LEPR: variants seen among roughly 807,000 people sequenced by gnomAD.
The protein encoded by LEPR is OB receptor.
Under a neutral mutation model 114.7 loss-of-function variants are expected in LEPR, and 56 were observed. The observed-to-expected ratio is 0.49, with a 90% CI of 0.39 to 0.61. The LOEUF is 0.61. Among genes scored for constraint, LEPR ranks in the 20% least tolerant of loss-of-function variants. LEPR has a pLI of 0.00. For synonymous variants in LEPR, 443 were observed against 461.4 expected (o/e 0.96, Z 0.51); for missense variants, 1,202 against 1,352.9 (o/e 0.89, Z 1.75).
At chr1:65,436,708 C>A (rs1408465013) in intron 2 of LEPR, among the ~76,000 whole-genome samples, 1 of 142,982 alleles carries the variant, frequency 7.0e-6, no homozygotes, top group Non-Finnish European at 1.6e-5. Context: ...GGAGACTGCA[C>A]AATCTCTCTT....
intron 2 of LEPR, among the ~76,000 whole-genome samples, chr1:65,558,501 G>GT (rs781558613): frequency 0.06 from 1,390 of 23,146 alleles, 291 homozygotes; most frequent in African/African-American, 0.18. Context: ...GTTTCTTAAT[G>GT]TTTTTTTTTT....
At chr1:65,427,218 C>T (rs1646394904) in intron 2 of LEPR, among the ~76,000 whole-genome samples, 1 of 152,088 alleles carries the variant, frequency 6.6e-6, no homozygotes, top group South Asian at 2.1e-4. Context: ...TATTATTATC[C>T]TCATTTCTCG....
At chr1:65,593,285 C>T (rs1177270242) in intron 6 of LEPR, among the ~76,000 whole-genome samples, 4 of 151,998 alleles carry the variant, frequency 2.6e-5, no homozygotes, top group African/African-American at 7.2e-5. Flanking sequence ...ATAGTTCCCA[C>T]CTCAGAGAGC....
chr1:65,538,312 C>T (rs1184288224), intron 2 of LEPR, among the ~76,000 whole-genome samples: 1 of 151,794 alleles, frequency 6.6e-6, no homozygotes. Context: ...GTCAGGTTGC[C>T]TTCCATCTCC....
chr1:65,445,639 T>TG (rs906733180), intron 2 of LEPR, among the ~76,000 whole-genome samples: 9 of 149,888 alleles, frequency 6.0e-5, no homozygotes, highest in African/African-American at 2.2e-4. Context: ...TGAATAGAGT[T>TG]TTTTTTTTTT....
At chr1:65,547,736 TG>T (rs1651884611) in intron 2 of LEPR, among the ~76,000 whole-genome samples, 1 of 143,056 alleles carries the variant, frequency 7.0e-6, no homozygotes, top group East Asian at 1.9e-4. Context: ...CTATCAATTT[TG>T]TTGATCCTTT....
Position 65,633,793 on chromosome 1 carries a change from G to T in LEPR, c.2674-2398G>T. ...TCAGTTTTCAATATCCTTGAAAATG[G>T]CTTAAGTGATAACTTCCGTTTCAGT... On this transcript the variant is annotated intron_variant, in intron 19 of 19. Transcript: ENST00000349533. This position sits in a 1 kb window ranked among gnomAD's most constrained non-coding sequence, Gnocchi z 4.1. The T allele has an allele frequency of 1.0e-6, 1 of 985,554 alleles. No homozygotes were observed. The highest frequency in any genetic ancestry group is 1.2e-6 in the Non-Finnish European group (1 of 830,126). 61.1% of individuals were successfully genotyped at this position (985,554 alleles called of 1,614,324 possible).
intron 2 of LEPR, among the ~76,000 whole-genome samples, chr1:65,507,176 A>G (rs959045363): frequency 7.3e-5 from 11 of 151,720 alleles, no homozygotes; most frequent in Admixed American, 2.0e-4. Context: ...TCAGCCTCCC[A>G]AGTAGCTGGG....
chr1:65,578,895 G>A (rs1221202172), intron 5 of LEPR, among the ~76,000 whole-genome samples: 2 of 152,256 alleles, frequency 1.3e-5, no homozygotes, highest in Admixed American at 6.5e-5. Flanking sequence ...TATTACTAGT[G>A]TTAGACCACT....
At chr1:65,450,904 G>A (rs2100325161) in intron 2 of LEPR, among the ~76,000 whole-genome samples, 2 of 151,810 alleles carry the variant, frequency 1.3e-5, no homozygotes, top group East Asian at 1.9e-4. Flanking sequence ...CAGTGTAAAA[G>A]CATTCCTATT....
At chr1:65,515,580 T>C (rs1649244990) in intron 2 of LEPR, among the ~76,000 whole-genome samples, 1 of 152,234 alleles carries the variant, frequency 6.6e-6, no homozygotes, top group Non-Finnish European at 1.5e-5. Flanking sequence ...TATCCTGAAG[T>C]ATTTTAATGT....
In LEPR at chr1:65,636,278, G is replaced by A. The variant is rs754264793; in HGVS notation, c.2761G>A (p.Asp921Asn). 6.2e-7 allele frequency: 1 copy of A among 1,613,912 alleles called. No individual in the cohort carries two copies. The highest frequency in any genetic ancestry group is 2.2e-5 in the East Asian group (1 of 44,870). ...LLLEPETISE[D>N]ISVDTSWKNK... is the part of the protein sequence containing the mutation. ...TTTGGAGCCTGAAACAATTTCAGAA[G>A]ATATCAGTGTTGATACATCATGGAA... The change falls in exon 20 of 20, where the codon GAT (aspartate) becomes AAT (asparagine). Residue 921 changes from aspartate (D) to asparagine (N), a missense_variant. Asp to Asn is a conservative substitution (Grantham distance 23). Transcript: ENST00000349533.
chr1:65,459,982 T>C (rs1318154648), intron 2 of LEPR, among the ~76,000 whole-genome samples: 1 of 152,198 alleles, frequency 6.6e-6, no homozygotes, highest in East Asian at 1.9e-4. Flanking sequence ...TAATCTAAAA[T>C]GAGCCCACAT....
At chr1:65,600,335 C>T (rs909305754) in intron 8 of LEPR, among the ~76,000 whole-genome samples, 2 of 152,030 alleles carry the variant, frequency 1.3e-5, no homozygotes, top group African/African-American at 4.8e-5. Context: ...TAATTTTATG[C>T]TACTAAGTTT....
At chr1:65,515,129 A>G (rs995620496) in intron 2 of LEPR, among the ~76,000 whole-genome samples, 1 of 152,154 alleles carries the variant, frequency 6.6e-6, no homozygotes, top group African/African-American at 2.4e-5. Context: ...TGAGGGAGGG[A>G]TGCTGTGGAA....
intron 7 of LEPR, among the ~76,000 whole-genome samples, chr1:65,597,140 C>A (rs1656119081): frequency 6.6e-6 from 1 of 152,010 alleles, no homozygotes; most frequent in African/African-American, 2.4e-5. Context: ...GTCAGTTTAG[C>A]CAGAATCCCT....
chr1:65,584,016 T>G (rs1403049446), intron 5 of LEPR, among the ~76,000 whole-genome samples: 2 of 152,104 alleles, frequency 1.3e-5, no homozygotes, highest in Non-Finnish European at 2.9e-5. Flanking sequence ...TAAAATAGTA[T>G]TTATGGTGTG....
rs1353676424 is a variant in LEPR, at chr1:65,510,196, T to A, written c.-20-55350T>A. Among the ~76,000 whole-genome samples, 12 of 152,322 alleles carry A rather than the reference T, an allele frequency of 7.9e-5. No homozygotes were observed. The South Asian group carries it at 2.5e-3, about 32-fold the overall frequency. On this transcript the variant is annotated intron_variant, in intron 2 of 19. Coordinates refer to ENST00000349533, the MANE Select transcript of LEPR (RefSeq NM_002303.6). ...TTAGGGTTCCCGAAGACCATCTACA[T>A]ATCTCCCATTCCTGTTGCCTGACTG... is the stretch of plus-strand genomic sequence containing the variant.
At chr1:65,449,047 C>T (rs1237280378) in intron 2 of LEPR, among the ~76,000 whole-genome samples, 2 of 152,168 alleles carry the variant, frequency 1.3e-5, no homozygotes, top group Non-Finnish European at 2.9e-5. Flanking sequence ...GTGCCCACCA[C>T]CAAGCCCAGC....
Sources: allele counts gnomAD v4.1 joint callset (sites outside exome capture counted in the v4.1 genomes callset), GRCh38; gene constraint gnomAD v4.1.1; non-coding constraint Gnocchi (gnomAD v3.1); transcripts MANE v1.5; gene names NCBI Gene and HGNC (gene_info 2026-07-23, HGNC 2026-07-21).